Variants in EDRF1 observed in about 807,000 individuals in gnomAD.
The protein encoded by EDRF1 is erythroid differentiation regulatory factor 1, also known as erythroid differentiation-related factor 1.
A neutral mutation model predicts 148.7 loss-of-function variants in EDRF1; 69 were observed. That is an observed-to-expected ratio of 0.46 (90% confidence interval 0.38 to 0.57). The LOEUF (loss-of-function observed/expected upper bound fraction) is 0.57. EDRF1 is among the 20% of genes least tolerant of loss of function. EDRF1 has a pLI of 0.00. For synonymous variants in EDRF1, 515 were observed against 532.8 expected, an observed-to-expected ratio of 0.97 and a Z score of 0.46; for missense variants, 1,118 against 1,478.7, an observed-to-expected ratio of 0.76 and a Z score of 4.00.
chr10:125,737,864 T>C, intron 13 of EDRF1, 54 bp from the exon 14 acceptor site: 2 of 1,536,400 alleles, frequency 1.3e-6, no homozygotes, highest in Non-Finnish European at 9.0e-7. Context: ...AAAAACAATA[T>C]GTTGACCTTA....
chr10:125,738,385 G>T lies in EDRF1; in HGVS notation c.1921G>T (p.Glu641Ter). The T allele has an allele frequency of 6.2e-7, 1 of 1,614,086 alleles. No homozygotes were observed. The highest frequency in any genetic ancestry group is 8.5e-7 in the Non-Finnish European group (1 of 1,179,996). ...TCCAATCCCGTTAAAATATGAAGAT[G>T]AATCCTCAAGAGGGGGTCCCGAGGG... is the stretch of plus-strand genomic sequence containing the variant. ...STPIPLKYED[E>*]SSRGGPEGLE... Residue 641 changes from glutamate to a stop codon, truncating the protein, a stop_gained, in exon 15 of 25, where the codon GAA becomes TAA. Transcript: ENST00000356792. LOFTEE classifies it high-confidence loss of function.
At chr10:125,748,543 G>C (rs897517694) in intron 21 of EDRF1, 1 of 173,142 alleles carries the variant, frequency 5.8e-6, no homozygotes, top group Non-Finnish European at 1.2e-5. Context: ...TGCGAGTCTT[G>C]GGCCTGTAGT....
chr10:125,732,063 T>C (rs187575722), intron 9 of EDRF1: 12 of 260,390 alleles, frequency 4.6e-5, no homozygotes, highest in African/African-American at 2.2e-4. Context: ...TCACTTGTGG[T>C]CTCTGAAAAA....
Position 125,719,885 on chromosome 10 carries a change from C to A in EDRF1, c.78C>A (p.Ser26=), listed in dbSNP as rs901447393. The A allele has an allele frequency of 6.2e-7, 1 of 1,613,148 alleles. No homozygotes were observed. Among genetic ancestry groups the A allele is most frequent in the African/African-American group, 1.3e-5 (1 of 74,928 alleles). Residue 26 remains serine (S), a synonymous_variant, in exon 1 of 25, where the codon TCC becomes TCA. Coordinates refer to ENST00000356792, the MANE Select transcript of EDRF1 (RefSeq NM_001202438.2). ...AAARGGLSLL[S]QGESEESSAQ... is the part of the protein sequence containing the mutation. ...CTCGAGGAGGGCTCAGCCTCCTGTC[C>A]CAGGGAGAATCCGAGGAATCTTCTG... is the stretch of plus-strand genomic sequence containing the variant.
chr10:125,740,475 A>C lies in EDRF1; in HGVS notation c.1994A>C (p.Gln665Pro), dbSNP rs779822989. Residue 665 changes from glutamine to proline, a missense_variant, in exon 16 of 25, where the codon CAG becomes CCG. By Grantham distance (76) the Gln-to-Pro change is moderately conservative. This residue lies in a region of EDRF1 where 954 missense variants were observed against 1,241.4 expected (regional missense o/e 0.77). Transcript: ENST00000356792. The stretch of plus-strand genomic sequence containing the variant: ...CTCCATGTCACAGTGGGCTCCCTTC[A>C]GAAGGGCAATTATTCCAGTCAATCT... ...ALFLDKMGSL[Q>P]KGNYSSQSGM... The C allele has an allele frequency of 6.2e-7, 1 of 1,613,994 alleles. No individual in the cohort carries two copies. The highest frequency in any genetic ancestry group is 1.3e-5 in the African/African-American group (1 of 74,922).
intron 24 of EDRF1, chr10:125,756,639 GAT>G: frequency 3.3e-6 from 1 of 304,582 alleles, no homozygotes; most frequent in South Asian, 2.7e-5. Flanking sequence ...GTAGGATTGT[GAT>G]ATCTGGGAGA....
At chr10:125,722,059 A>G (rs1848035384) in intron 2 of EDRF1, among the ~76,000 whole-genome samples, 1 of 151,254 alleles carries the variant, frequency 6.6e-6, no homozygotes, top group South Asian at 2.1e-4. Context: ...CTAATACTTT[A>G]TGAGCTGGTA....
At position 125,721,215 on chromosome 10, in the gene EDRF1, A is replaced by G. The variant is rs1261907369; in HGVS notation, c.120A>G (p.Leu40=). Residue 40 remains leucine (L), a synonymous_variant, in exon 2 of 25, where the codon TTA becomes TTG. Coordinates refer to ENST00000356792, the MANE Select transcript of EDRF1 (RefSeq NM_001202438.2). ...SEESSAQGSA[L]FLGGNEVKSR... ...AATGTGTTAATTAGGGATCAGCTTTATTTCTTGGAGGCAATGAAGTGAAGA... is the reference window on the plus strand; with the variant it reads ...AATGTGTTAATTAGGGATCAGCTTTGTTTCTTGGAGGCAATGAAGTGAAGA... 1.2e-6 allele frequency: 2 copies of G among 1,614,124 alleles called. No homozygotes were observed. The highest frequency in any genetic ancestry group is 1.1e-5 in the South Asian group (1 of 91,080).
chr10:125,719,918 G>A lies in EDRF1; in HGVS notation c.108+3G>A. On this transcript the variant is annotated splice_donor_region_variant and intron_variant, in intron 1 of 24. Transcript: ENST00000356792. Reference sequence around the variant, plus strand: ...AATCCGAGGAATCTTCTGCACAGGTGAGTCCTCCGCGGAGGGGGACCTGCC... The same window carrying A: ...AATCCGAGGAATCTTCTGCACAGGTAAGTCCTCCGCGGAGGGGGACCTGCC... 1.2e-6 allele frequency: 2 copies of A among 1,612,114 alleles called. No individual in the cohort carries two copies. The highest frequency in any genetic ancestry group is 1.7e-6 in the Non-Finnish European group (2 of 1,179,198).
At chr10:125,726,000 A>G (rs996022851) in intron 6 of EDRF1, 162 bp downstream of exon 6, 2 of 856,060 alleles carry the variant, frequency 2.3e-6, no homozygotes, top group African/African-American at 3.4e-5. Context: ...TTGGAGAAAT[A>G]CTTTTTAGTT....
rs570738553 is a variant in EDRF1 at position 125,730,968 on chromosome 10, A to G, written c.1128+569A>G. 3.3e-5 allele frequency among the ~76,000 whole-genome samples: 5 copies of G among 152,134 alleles called. No homozygotes were observed. In the East Asian group the frequency reaches 9.7e-4, roughly 29 times the overall value. On this transcript the variant is annotated intron_variant, in intron 9 of 24. Transcript: ENST00000356792. ...AGACCAACCTGGGCAACGTAGTGAG[A>G]CCCTAATTGTAGAAAAACAACGCAC...
chr10:125,753,600 A>G (rs764652066), intron 23 of EDRF1, 94 bp from the exon 24 acceptor site: 54 of 1,355,638 alleles, frequency 4.0e-5, no homozygotes, highest in Non-Finnish European at 5.5e-5. Context: ...TTAAAAATGT[A>G]TTGGATGAAT....
chr10:125,756,203 T>G (rs1301901415), intron 24 of EDRF1, among the ~76,000 whole-genome samples: 1 of 152,222 alleles, frequency 6.6e-6, no homozygotes, highest in Non-Finnish European at 1.5e-5. Flanking sequence ...GACCCATTTG[T>G]TATTTGAAGT....
In EDRF1 at chr10:125,733,563, A is replaced by C. The variant is rs1426726555; in HGVS notation, c.1276+12A>C. The C allele has an allele frequency of 1.2e-6, 2 of 1,606,366 alleles. No homozygotes were observed. The highest frequency in any genetic ancestry group is 2.7e-5 in the African/African-American group (2 of 74,762). On this transcript the variant is annotated intron_variant, in intron 10 of 24. Transcript: ENST00000356792. ...TTGGCTCTTTAAAGGTAAGCTATTAATACTTCTTGAGTGAACAATAATTGA... is the reference window on the plus strand; with the variant it reads ...TTGGCTCTTTAAAGGTAAGCTATTACTACTTCTTGAGTGAACAATAATTGA...
At position 125,743,134 on chromosome 10, in the gene EDRF1, T is replaced by A; in HGVS notation, c.2448T>A (p.Ala816=). The change falls in exon 18 of 25, where the codon GCT becomes GCA. Residue 816 remains alanine, a synonymous_variant. Transcript: ENST00000356792. ...LSVSCKCYEA[A]NEILQFSDLK... The stretch of plus-strand genomic sequence containing the variant: ...TTAGTTGTAAATGTTATGAGGCTGC[T>A]AATGAAATCTTGCAGTTTAGTGACT... The A allele has an allele frequency of 6.2e-7, 1 of 1,613,988 alleles. No homozygotes were observed. The highest frequency in any genetic ancestry group is 8.5e-7 in the Non-Finnish European group (1 of 1,179,950).
At position 125,734,059 on chromosome 10, in the gene EDRF1, ACT is replaced by A; in HGVS notation, c.1386-10_1386-9del. ...GAAATGGGCAGTAAAGTTGATATAAACTCTTTTTTTAGGGTTGCTTGCAACAT... is the reference window on the plus strand; with the variant it reads ...GAAATGGGCAGTAAAGTTGATATAAACTTTTTTTAGGGTTGCTTGCAACAT... On this transcript the variant is annotated splice_polypyrimidine_tract_variant and intron_variant, in intron 11 of 24. Coordinates refer to ENST00000356792, the MANE Select transcript of EDRF1 (RefSeq NM_001202438.2). 1.2e-6 allele frequency: 2 copies of A among 1,601,740 alleles called. No individual in the cohort carries two copies. The highest frequency in any genetic ancestry group is 1.7e-6 in the Non-Finnish European group (2 of 1,168,998).
At chr10:125,756,014 G>A (rs1849884813) in intron 24 of EDRF1, among the ~76,000 whole-genome samples, 1 of 151,414 alleles carries the variant, frequency 6.6e-6, no homozygotes. Flanking sequence ...TGCTCTTTTT[G>A]TAGTTTCTTA....
chr10:125,753,163 A>G (rs1213462439), intron 23 of EDRF1, among the ~76,000 whole-genome samples: 1 of 152,224 alleles, frequency 6.6e-6, no homozygotes, highest in Non-Finnish European at 1.5e-5. Flanking sequence ...ACAAATTATA[A>G]AGTCTCTTAA....
intron 12 of EDRF1, among the ~76,000 whole-genome samples, 159 bp from the exon 13 acceptor site, chr10:125,735,485 T>A (rs1848679862): frequency 6.6e-6 from 1 of 152,134 alleles, no homozygotes; most frequent in South Asian, 2.1e-4. Flanking sequence ...ACCCAGAGTA[T>A]CAGTAGCTTT....
Sources: gnomAD v4.1 joint callset for allele counts (sites outside exome capture counted in the v4.1 genomes callset) on GRCh38, gnomAD v4.1.1 for gene constraint, gnomAD v4.1.1 regional missense constraint, MANE v1.5 for transcripts, NCBI Gene and HGNC (gene_info 2026-07-23, HGNC 2026-07-21) for gene names.